The following MAGI1 variants were observed in gnomAD, a reference collection of about 807,000 sequenced individuals.
The protein encoded by MAGI1 is membrane associated guanylate kinase, WW and PDZ domain containing 1.
In MAGI1, 58 loss-of-function variants were observed where a neutral mutation model predicts 139.9. The ratio of observed to expected loss-of-function variants is 0.41; its 90% CI spans 0.34 to 0.52. The LOEUF (loss-of-function observed/expected upper bound fraction) is 0.52. Among genes scored for constraint, MAGI1 ranks in the 20% least tolerant of loss-of-function variants. The pLI is 0.12. For synonymous variants in MAGI1, 812 were observed against 737.9 expected, an observed-to-expected ratio of 1.10 and a Z score of -1.63; for missense variants, 1,874 against 1,901.6, an observed-to-expected ratio of 0.99 and a Z score of 0.27.
intron 1 of MAGI1, among the ~76,000 whole-genome samples, chr3:65,893,287 G>A (rs1225184890): frequency 6.6e-6 from 1 of 151,194 alleles, no homozygotes; most frequent in Non-Finnish European, 1.5e-5. Flanking sequence ...AAAAAAAAAT[G>A]TGAAATAAAT....
chr3:65,717,900 C>G lies in MAGI1; in HGVS notation c.314-95812G>C, dbSNP rs543275279. Among the ~76,000 whole-genome samples the G allele has an allele frequency of 3.9e-5, 6 of 152,280 alleles. No individual in the cohort carries two copies. In the East Asian group the frequency reaches 9.7e-4, roughly 25 times the overall value. Reference sequence around the variant, plus strand: ...TGAATCAGCTCCAGCTCCACATAAACCTACTGTAATAGCAGAGTGTGGTCA... The same window carrying G: ...TGAATCAGCTCCAGCTCCACATAAAGCTACTGTAATAGCAGAGTGTGGTCA... On this transcript the variant is annotated intron_variant, in intron 1 of 22. Transcript: ENST00000402939.
chr3:65,471,509 C>T (rs1018877423), intron 4 of MAGI1, among the ~76,000 whole-genome samples: 1 of 152,130 alleles, frequency 6.6e-6, no homozygotes, highest in Non-Finnish European at 1.5e-5. Context: ...GGATGGAAGA[C>T]ATGCCAAGCC....
intron 5 of MAGI1, among the ~76,000 whole-genome samples, chr3:65,459,477 A>T (rs1487778098): frequency 6.6e-6 from 1 of 152,114 alleles, no homozygotes; most frequent in Non-Finnish European, 1.5e-5. Context: ...TTATCTTGCA[A>T]CCTTGCTGAA....
intron 1 of MAGI1, among the ~76,000 whole-genome samples, chr3:65,812,480 A>ACACACACACACACACG (rs72383320): frequency 2.0e-4 from 29 of 146,220 alleles, no homozygotes; most frequent in East Asian, 1.0e-3. Flanking sequence ...ACACACACAC[A>ACACACACACACACACG]CACACACACA....
At chr3:65,757,618 A>G (rs958332898) in intron 1 of MAGI1, among the ~76,000 whole-genome samples, 1 of 152,188 alleles carries the variant, frequency 6.6e-6, no homozygotes, top group Non-Finnish European at 1.5e-5. Context: ...AGCCTGGGCA[A>G]CAGAGCCAGA....
chr3:65,621,941 A>ACACACACAC (rs1553681883), intron 2 of MAGI1, 31 bp downstream of exon 2: 467 of 1,443,754 alleles, frequency 3.2e-4, no homozygotes, highest in Non-Finnish European at 4.0e-4. Context: ...ACACACACAC[A>ACACACACAC]GCAGTGAGAT....
chr3:65,541,973 G>A (rs1487485658), intron 2 of MAGI1, among the ~76,000 whole-genome samples: 1 of 152,156 alleles, frequency 6.6e-6, no homozygotes, highest in African/African-American at 2.4e-5. Context: ...AAAAGAAGAA[G>A]TCAAATTGTC....
chr3:65,488,095 C>T (rs1951742542), intron 3 of MAGI1, among the ~76,000 whole-genome samples: 1 of 152,166 alleles, frequency 6.6e-6, no homozygotes, highest in Non-Finnish European at 1.5e-5. Context: ...CTTCCCCTCC[C>T]TTTCTAGAAG....
chr3:65,557,866 C>T (rs968236521), intron 2 of MAGI1, among the ~76,000 whole-genome samples: 1 of 152,132 alleles, frequency 6.6e-6, no homozygotes, highest in Non-Finnish European at 1.5e-5. Flanking sequence ...TAACATGTAA[C>T]GTGAGCCCTA....
intron 2 of MAGI1, among the ~76,000 whole-genome samples, chr3:65,519,247 A>T (rs1185823821): frequency 6.6e-6 from 1 of 152,074 alleles, no homozygotes; most frequent in South Asian, 2.1e-4. Flanking sequence ...GACAACACAG[A>T]GAGATAGAGG....
chr3:65,433,386 A>G (rs931987303), intron 10 of MAGI1, among the ~76,000 whole-genome samples: 1 of 152,188 alleles, frequency 6.6e-6, no homozygotes, highest in Non-Finnish European at 1.5e-5. Context: ...AGACATGAGC[A>G]GAGCTTTGAA....
intron 1 of MAGI1, among the ~76,000 whole-genome samples, chr3:65,918,581 A>G (rs2062020178): frequency 1.3e-5 from 2 of 151,912 alleles, no homozygotes; most frequent in South Asian, 4.1e-4. Flanking sequence ...GGGTTTCACC[A>G]TGTTGGTCAG....
At chr3:65,636,329 G>C (rs566608514) in intron 1 of MAGI1, among the ~76,000 whole-genome samples, 1 of 152,090 alleles carries the variant, frequency 6.6e-6, no homozygotes, top group Admixed American at 6.5e-5. Flanking sequence ...TTAGGGGAGA[G>C]AGTTCTAGGC....
In MAGI1 at chr3:65,572,477, C is replaced by T. The variant is rs148065683; in HGVS notation, c.430+49495G>A. ...TGAATAACCAGCTGGGGAGTTACTA[C>T]TGTCCACTCCAGGGGAAGAAAGACT... On this transcript the variant is annotated intron_variant, in intron 2 of 22. Transcript: ENST00000402939. 8.5e-5 allele frequency among the ~76,000 whole-genome samples: 13 copies of T among 152,238 alleles called. No individual in the cohort carries two copies. The East Asian group carries it at 2.5e-3, about 29-fold the overall frequency.
At chr3:65,359,621 C>A in intron 22 of MAGI1, 9 of 993,454 alleles carry the variant, frequency 9.1e-6, no homozygotes, top group Non-Finnish European at 1.1e-5. Context: ...AATATTGGAA[C>A]TTAACATATT....
chr3:65,847,944 G>A (rs1407712915), intron 1 of MAGI1, among the ~76,000 whole-genome samples: 1 of 152,078 alleles, frequency 6.6e-6, no homozygotes, highest in Non-Finnish European at 1.5e-5. Context: ...CTGGGGTTGG[G>A]GTATACCTTG....
chr3:65,814,567 T>C (rs2041484919), intron 1 of MAGI1, among the ~76,000 whole-genome samples: 1 of 152,136 alleles, frequency 6.6e-6, no homozygotes, highest in South Asian at 2.1e-4. Flanking sequence ...TAATTTGGAT[T>C]TTTTGTTCTG....
chr3:65,491,586 T>A (rs1048156429), intron 3 of MAGI1, among the ~76,000 whole-genome samples: 1 of 152,058 alleles, frequency 6.6e-6, no homozygotes, highest in African/African-American at 2.4e-5. Context: ...GACATTTCTC[T>A]CTCTGCTAAC....
At chr3:65,659,390 T>C (rs1034225149) in intron 1 of MAGI1, among the ~76,000 whole-genome samples, 2 of 152,208 alleles carry the variant, frequency 1.3e-5, no homozygotes, top group African/African-American at 4.8e-5. Flanking sequence ...TAATACCAAC[T>C]GGACCCAACA....
Sources: allele counts gnomAD v4.1 joint callset (sites outside exome capture counted in the v4.1 genomes callset), GRCh38; gene constraint gnomAD v4.1.1; transcripts MANE v1.5; gene names NCBI Gene and HGNC (gene_info 2026-07-23, HGNC 2026-07-21).